Variants in DST observed in about 807,000 individuals in gnomAD.
DST encodes bullous pemphigoid antigen.
Under a neutral mutation model 875.2 loss-of-function variants are expected in DST, and 253 were observed. The observed-to-expected ratio is 0.29, with a 90% CI of 0.26 to 0.32. DST has a LOEUF of 0.32. Among genes scored for constraint, DST ranks in the 10% least tolerant of loss-of-function variants. DST has a pLI of 1.00. For synonymous variants in DST, 3,124 were observed against 3,197.1 expected (o/e 0.98, Z 0.77); for missense variants, 8,287 against 9,111.6 (o/e 0.91, Z 3.68).
At position 56,752,779 on chromosome 6, in the gene DST, T is replaced by C. The variant is rs548116900; in HGVS notation, c.626-17490A>G. Among the ~76,000 whole-genome samples the C allele has an allele frequency of 2.6e-5, 4 of 152,228 alleles. No homozygotes were observed. In the South Asian group the frequency reaches 6.2e-4, roughly 24 times the overall value. On this transcript the variant is annotated intron_variant, in intron 4 of 103. Transcript: ENST00000680361. The stretch of plus-strand genomic sequence containing the variant: ...GCAGTTTGTATTACTATAAACAAGA[T>C]TGAGTTTTTTTGTTTTTTTTGTTTT...
chr6:56,475,023 C>T (rs2095106887), intron 92 of DST, among the ~76,000 whole-genome samples: 1 of 145,366 alleles, frequency 6.9e-6, no homozygotes, highest in South Asian at 2.2e-4. Context: ...AATACATCCA[C>T]ATTTAATGTG....
chr6:56,702,941 G>A (rs974480379), intron 7 of DST, among the ~76,000 whole-genome samples: 4 of 152,228 alleles, frequency 2.6e-5, no homozygotes, highest in South Asian at 2.1e-4. Flanking sequence ...AAGTAGAAAC[G>A]ATGTTGATAA....
intron 3 of DST, among the ~76,000 whole-genome samples, chr6:56,857,642 A>T (rs1768641698): frequency 6.6e-6 from 1 of 152,244 alleles, no homozygotes; most frequent in South Asian, 2.1e-4. Flanking sequence ...TTGATATTTT[A>T]TATAAACAAA....
intron 2 of DST, among the ~76,000 whole-genome samples, chr6:56,952,286 A>C (rs1046548274): frequency 6.6e-6 from 1 of 152,220 alleles, no homozygotes; most frequent in African/African-American, 2.4e-5. Flanking sequence ...GCTTTAGCTG[A>C]AATATCTGAT....
intron 8 of DST, among the ~76,000 whole-genome samples, chr6:56,700,522 T>A (rs181979361): frequency 1.5e-4 from 23 of 152,324 alleles, no homozygotes; most frequent in African/African-American, 5.5e-4. Context: ...ATAACTAGCA[T>A]TATTTTGCTA....
intron 4 of DST, among the ~76,000 whole-genome samples, chr6:56,763,720 CACACAT>C (rs1439997871): frequency 2.1e-5 from 3 of 142,422 alleles, no homozygotes; most frequent in African/African-American, 7.6e-5. Context: ...CACACACACA[CACACAT>C]ATAGGGATGG....
intron 69 of DST, among the ~76,000 whole-genome samples, chr6:56,520,767 T>G (rs1321737355): frequency 6.6e-6 from 1 of 151,922 alleles, no homozygotes; most frequent in Non-Finnish European, 1.5e-5. Context: ...AAACCAACTC[T>G]GTGGGTAACG....
chr6:56,620,222 T>C, intron 36 of DST: 1 of 1,613,790 alleles, frequency 6.2e-7, no homozygotes, highest in South Asian at 1.1e-5. Flanking sequence ...CATTAATTTA[T>C]TTTTTTGTTG....
intron 9 of DST, among the ~76,000 whole-genome samples, chr6:56,676,536 A>G (rs1435540646): frequency 6.6e-6 from 1 of 152,224 alleles, no homozygotes; most frequent in African/African-American, 2.4e-5. Flanking sequence ...ACTTGGATAT[A>G]TATCCAAGGG....
At chr6:56,706,188 C>T (rs1402303598) in intron 5 of DST, among the ~76,000 whole-genome samples, 3 of 152,018 alleles carry the variant, frequency 2.0e-5, no homozygotes, top group African/African-American at 4.8e-5. Context: ...GTGGCAGGTG[C>T]CTGTAATCCC....
intron 2 of DST, among the ~76,000 whole-genome samples, chr6:56,926,730 C>A (rs1807300435): frequency 6.6e-6 from 1 of 151,268 alleles, no homozygotes; most frequent in Non-Finnish European, 1.5e-5. Flanking sequence ...AGACTGAAGG[C>A]TCTCTAAGGT....
At chr6:56,710,400 AG>A (rs1269371775) in intron 5 of DST, among the ~76,000 whole-genome samples, 1 of 152,234 alleles carries the variant, frequency 6.6e-6, no homozygotes, top group African/African-American at 2.4e-5. Context: ...TAATAAAAGA[AG>A]GCTTGTCCCA....
chr6:56,686,070 A>ATCC (rs2099184609), intron 9 of DST, among the ~76,000 whole-genome samples: 1 of 152,246 alleles, frequency 6.6e-6, no homozygotes, highest in East Asian at 1.9e-4. Flanking sequence ...GGACTGGATA[A>ATCC]AGAAAATGTG....
intron 4 of DST, among the ~76,000 whole-genome samples, chr6:56,789,811 A>G (rs2099712889): frequency 1.3e-5 from 2 of 152,214 alleles, no homozygotes; most frequent in Admixed American, 6.5e-5. Flanking sequence ...AAGATATTCC[A>G]TTGTATGTAC....
intron 90 of DST, among the ~76,000 whole-genome samples, chr6:56,481,454 T>A (rs2095399105): frequency 6.6e-6 from 1 of 152,218 alleles, no homozygotes; most frequent in African/African-American, 2.4e-5. Flanking sequence ...ATAGCCAGAT[T>A]TAGACTTGGT....
chr6:56,683,246 CCAA>C (rs1434424837), intron 9 of DST, among the ~76,000 whole-genome samples: 10 of 152,172 alleles, frequency 6.6e-5, no homozygotes, highest in Non-Finnish European at 1.3e-4. Context: ...AATGTCAATA[CCAA>C]CAACATGTTT....
At chr6:56,778,265 T>A (rs1243948053) in intron 4 of DST, among the ~76,000 whole-genome samples, 1 of 151,134 alleles carries the variant, frequency 6.6e-6, no homozygotes, top group Non-Finnish European at 1.5e-5. Context: ...GTCCAGGTTA[T>A]CATGGTACAG....
rs9382663 is a variant in DST, at chr6:56,736,547, C to T, written c.626-1258G>A. Among the ~76,000 whole-genome samples, 293 of 152,278 alleles carry T rather than the reference C, an allele frequency of 1.9e-3. 6 individuals carry two copies. In the East Asian group the frequency reaches 0.035, roughly 18 times the overall value. ...TCCTTCCTTGGTGGTCTTCTTTCCTCTTCTACCACAATTCAGATGTTCTCC... is the reference window on the plus strand; with the variant it reads ...TCCTTCCTTGGTGGTCTTCTTTCCTTTTCTACCACAATTCAGATGTTCTCC... On this transcript the variant is annotated intron_variant, in intron 4 of 103. Transcript: ENST00000680361.
chr6:56,949,238 G>C (rs1392870752), intron 2 of DST, among the ~76,000 whole-genome samples: 1 of 152,148 alleles, frequency 6.6e-6, no homozygotes, highest in Non-Finnish European at 1.5e-5. Flanking sequence ...AAAAAAGTGA[G>C]AGTTTTTGTT....
Sources: allele counts gnomAD v4.1 joint callset (sites outside exome capture counted in the v4.1 genomes callset), GRCh38; gene constraint gnomAD v4.1.1; transcripts MANE v1.5; gene names NCBI Gene and HGNC (gene_info 2026-07-23, HGNC 2026-07-21).